The following FAM153A variants were observed in gnomAD, a reference collection of about 807,000 sequenced individuals.
FAM153A encodes protein FAM153A.
In FAM153A, 12 loss-of-function variants were observed where a neutral mutation model predicts 48.1. The ratio of observed to expected loss-of-function variants is 0.25; its 90% CI spans 0.16 to 0.40. FAM153A has a LOEUF of 0.40. Among genes scored for constraint, FAM153A ranks in the 10% least tolerant of loss-of-function variants. FAM153A has a pLI of 1.00. For synonymous variants in FAM153A, 36 were observed against 118.2 expected, an observed-to-expected ratio of 0.30 and a Z score of 4.51; for missense variants, 111 against 345.8, an observed-to-expected ratio of 0.32 and a Z score of 5.38.
downstream of FAM153A, among the ~76,000 whole-genome samples, chr5:177,707,358 G>A (rs1696916): frequency 1.5e-4 from 23 of 149,628 alleles, no homozygotes; most frequent in South Asian, 2.1e-4. Flanking sequence ...AAAGAGAAAC[G>A]TTGGAAACTC....
chr5:177,769,964 C>T (rs1207004706), intron 1 of FAM153A, among the ~76,000 whole-genome samples: 1 of 96,164 alleles, frequency 1.0e-5, no homozygotes, highest in African/African-American at 4.1e-5. Flanking sequence ...CAATGCTTGC[C>T]CCTTTCCCTA....
Position 177,723,366 on chromosome 5 carries a change from C to A in FAM153A, c.*747G>T, listed in dbSNP as rs1326482251. On this transcript the variant is annotated 3_prime_UTR_variant, in exon 21 of 21. Coordinates refer to ENST00000614127, the Ensembl canonical transcript of FAM153A. ...ACACACACACACATTCATATGTGTA[C>A]CTTATTTCAAGATTGGAAAATATAT... The A allele has an allele frequency of 2.4e-5, 3 of 125,690 alleles. 1 individual carries two copies. The highest frequency in any genetic ancestry group is 5.2e-5 in the Non-Finnish European group (3 of 57,870). 7.8% of individuals were successfully genotyped at this position (125,690 alleles called of 1,614,324 possible).
chr5:177,754,750 C>T (rs1179743238), upstream of FAM153A, among the ~76,000 whole-genome samples: 1 of 151,954 alleles, frequency 6.6e-6, no homozygotes, highest in Non-Finnish European at 1.5e-5. Context: ...CTCCAGCAAA[C>T]TCCAACAGAC....
downstream of FAM153A, among the ~76,000 whole-genome samples, chr5:177,706,153 T>C (rs1306384021): frequency 2.6e-5 from 4 of 151,672 alleles, no homozygotes; most frequent in Non-Finnish European, 1.5e-5. Context: ...CAAAATAATC[T>C]TGAAAAAAAG....
intron 1 of FAM153A, among the ~76,000 whole-genome samples, chr5:177,770,984 A>G (rs1769080695): frequency 2.0e-5 from 2 of 98,118 alleles, no homozygotes; most frequent in Admixed American, 2.1e-4. Context: ...AAAATAAAAA[A>G]TAAAAGATAT....
the FAM153A span, among the ~76,000 whole-genome samples, chr5:177,700,949 C>T: frequency 2.6e-5 from 4 of 152,030 alleles, no homozygotes; most frequent in South Asian, 2.1e-4. Context: ...AATCTCAGGT[C>T]GAATTATAAT....
At chr5:177,782,774 CCCG>C (rs1769812449), upstream of FAM153A, 1 of 88,860 alleles carries the variant, frequency 1.1e-5, no homozygotes, top group African/African-American at 4.3e-5. Flanking sequence ...AATCCGCGAT[CCCG>C]CCTGGTCCAC....
At chr5:177,713,973 G>A (rs138831400) in intron 25 of FAM153A, 46 of 151,946 alleles carry the variant, frequency 3.0e-4, no homozygotes, top group African/African-American at 9.9e-4. Flanking sequence ...TGTGAAATTC[G>A]TTTAAAAAAT....
chr5:177,769,467 T>TA (rs1414750239), intron 1 of FAM153A, among the ~76,000 whole-genome samples: 2 of 95,980 alleles, frequency 2.1e-5, no homozygotes, highest in African/African-American at 8.4e-5. Flanking sequence ...CTCCCATAGT[T>TA]AATGGGGAAC....
In FAM153A at chr5:177,771,098, C is replaced by T. The variant is rs1582538070; in HGVS notation, c.-57+9351G>A. ...GTAACAGCATGTGGGCATGATTTCT[C>T]AAATTGCAGTATAGAAAATACATAA... is the stretch of plus-strand genomic sequence containing the variant. On this transcript the variant is annotated intron_variant, in intron 1 of 8. Coordinates refer to the FAM153A transcript ENST00000393518. 2.0e-5 allele frequency among the ~76,000 whole-genome samples: 2 copies of T among 97,566 alleles called. 1 individual carries two copies. Among genetic ancestry groups the T allele is most frequent in the Middle Eastern group, 0.011 (2 of 182 alleles). The allele number at this position is 97,566 out of a possible 152,430, so 64.0% of individuals were successfully genotyped here. A position where few individuals can be genotyped will look rare whatever the true frequency, so the allele number is the denominator to read the frequency against.
downstream of FAM153A, among the ~76,000 whole-genome samples, chr5:177,708,508 C>T (rs1758057469): frequency 6.6e-6 from 1 of 151,652 alleles, no homozygotes. Flanking sequence ...ACCCGGGAGG[C>T]GGAGGTTGCG....
At chr5:177,698,022 G>C in the FAM153A span, among the ~76,000 whole-genome samples, 2 of 151,006 alleles carry the variant, frequency 1.3e-5, no homozygotes, top group East Asian at 1.9e-4. Flanking sequence ...CTTTTTGTTT[G>C]GGAAGTTAGC....
At chr5:177,698,714 A>G in the FAM153A span, among the ~76,000 whole-genome samples, 1 of 151,924 alleles carries the variant, frequency 6.6e-6, no homozygotes, top group South Asian at 2.1e-4. Context: ...GCTGGGGTGC[A>G]GTGGTGCGAT....
At chr5:177,756,544 C>A (rs1767755446), upstream of FAM153A, among the ~76,000 whole-genome samples, 1 of 141,868 alleles carries the variant, frequency 7.0e-6, no homozygotes, top group Non-Finnish European at 1.6e-5. Flanking sequence ...TTCTTCTCAG[C>A]ACCACATCAC....
chr5:177,755,766 T>G (rs1484798139), upstream of FAM153A, among the ~76,000 whole-genome samples: 1 of 150,872 alleles, frequency 6.6e-6, no homozygotes, highest in Non-Finnish European at 1.5e-5. Flanking sequence ...AATAAAATCC[T>G]TTACAGACAA....
At chr5:177,715,254 T>A (rs1243051457) in intron 25 of FAM153A, among the ~76,000 whole-genome samples, 2 of 151,600 alleles carry the variant, frequency 1.3e-5, no homozygotes, top group Admixed American at 1.3e-4. Flanking sequence ...AGTGCTGAGA[T>A]TACAGGCGTG....
chr5:177,738,242 G>C (rs1170979590), intron 10 of FAM153A, among the ~76,000 whole-genome samples: 1 of 151,350 alleles, frequency 6.6e-6, no homozygotes, highest in Non-Finnish European at 1.5e-5. Flanking sequence ...CATATGTAAG[G>C]CTTGTGGAGT....
At chr5:177,697,465 G>C in the FAM153A span, among the ~76,000 whole-genome samples, 8 of 151,476 alleles carry the variant, frequency 5.3e-5, no homozygotes, top group African/African-American at 2.0e-4. Flanking sequence ...ATTGTCTGCA[G>C]ACTGCACAGC....
At chr5:177,698,148 A>G in the FAM153A span, among the ~76,000 whole-genome samples, 5 of 151,620 alleles carry the variant, frequency 3.3e-5, no homozygotes, top group Admixed American at 3.3e-4. Flanking sequence ...ATGCCCAGGA[A>G]GGGAAGGAAT....
Sources: allele counts gnomAD v4.1 joint callset (sites outside exome capture counted in the v4.1 genomes callset), GRCh38; gene constraint gnomAD v4.1.1; transcripts MANE v1.5; gene names NCBI Gene and HGNC (gene_info 2026-07-23, HGNC 2026-07-21).